CTIF: variants seen among roughly 807,000 people sequenced by gnomAD.
The protein encoded by CTIF is CBP80/20-dependent translation initiation factor.
Under a neutral mutation model 66.0 loss-of-function variants are expected in CTIF, and 21 were observed. That is an observed-to-expected ratio of 0.32 (90% CI 0.23 to 0.46). The LOEUF (loss-of-function observed/expected upper bound fraction) is 0.46, where lower values mean the gene tolerates loss of function less well. Among genes scored for constraint, CTIF ranks in the 20% least tolerant of loss-of-function variants. CTIF has a pLI of 1.00. For missense variants in CTIF, 739 were observed against 812.7 expected (o/e 0.91, Z 1.10); for synonymous variants, 345 against 326.4 (o/e 1.06, Z -0.62).
intron 7 of CTIF, among the ~76,000 whole-genome samples, chr18:48,743,594 G>A (rs990049992): frequency 2.6e-5 from 4 of 152,102 alleles, no homozygotes; most frequent in Non-Finnish European, 4.4e-5. Context: ...TTTACAACTC[G>A]TTTACAATAA....
intron 10 of CTIF, 110 bp from the exon 11 acceptor site, chr18:48,857,478 C>A (rs1454044306): frequency 1.2e-6 from 1 of 866,934 alleles, no homozygotes; most frequent in Non-Finnish European, 1.8e-6. Context: ...ATGTTTGTTA[C>A]AGGCCGCATC....
At chr18:48,813,492 CT>C (rs2068302769) in intron 9 of CTIF, among the ~76,000 whole-genome samples, 1 of 152,360 alleles carries the variant, frequency 6.6e-6, no homozygotes, top group African/African-American at 2.4e-5. Context: ...GAGATCACCC[CT>C]GTCTGGTCTT....
At chr18:48,677,404 C>G (rs931660626) in intron 6 of CTIF, among the ~76,000 whole-genome samples, 10 of 152,166 alleles carry the variant, frequency 6.6e-5, no homozygotes, top group Non-Finnish European at 1.2e-4. Context: ...GGTACCTGTC[C>G]CATAGACGGG....
At chr18:48,545,484 G>A (rs1297372941) in intron 1 of CTIF, among the ~76,000 whole-genome samples, 1 of 152,150 alleles carries the variant, frequency 6.6e-6, no homozygotes. Flanking sequence ...AAATTAGTTG[G>A]GAGTAAAGTC....
At chr18:48,638,237 G>C (rs1016259855) in intron 3 of CTIF, among the ~76,000 whole-genome samples, 5 of 152,120 alleles carry the variant, frequency 3.3e-5, no homozygotes, top group Non-Finnish European at 7.4e-5. Context: ...TTGGATTTGG[G>C]GACTCAAGCA....
At chr18:48,612,105 G>A (rs564935434) in intron 1 of CTIF, among the ~76,000 whole-genome samples, 226 of 152,334 alleles carry the variant, frequency 1.5e-3, no homozygotes, top group Non-Finnish European at 2.5e-3. Context: ...CCTGCACATG[G>A]AGGCCTCTGC....
chr18:48,701,080 T>C lies in CTIF; in HGVS notation c.508-10539T>C, dbSNP rs555312976. 7.2e-5 allele frequency among the ~76,000 whole-genome samples: 11 copies of C among 152,302 alleles called. No individual in the cohort carries two copies. The East Asian group carries it at 2.1e-3, about 29-fold the overall frequency. ...TTCTCTTGAGCTTGCTCTCTAGAGT[T>C]CTTGAGGCTCTGGGTCTTATCTGTG... On this transcript the variant is annotated intron_variant, in intron 6 of 11. Transcript: ENST00000256413.
intron 4 of CTIF, 28 bp downstream of exon 4, chr18:48,663,853 G>A (rs752264597): frequency 1.2e-6 from 2 of 1,606,436 alleles, no homozygotes; most frequent in Admixed American, 1.7e-5. Context: ...CCTTCCCTGT[G>A]GTGTGAGGTC....
At chr18:48,664,073 C>G (rs1268446314) in intron 4 of CTIF, among the ~76,000 whole-genome samples, 2 of 152,186 alleles carry the variant, frequency 1.3e-5, no homozygotes, top group Non-Finnish European at 2.9e-5. Context: ...TCCCACTAGC[C>G]TGCCTCATCT....
chr18:48,683,934 G>T (rs1034403432), intron 6 of CTIF, among the ~76,000 whole-genome samples: 1 of 152,204 alleles, frequency 6.6e-6, no homozygotes, highest in Non-Finnish European at 1.5e-5. Flanking sequence ...GAGGCCCAGG[G>T]CTGCTGGCCA....
chr18:48,644,954 T>G (rs1469423810), intron 3 of CTIF, among the ~76,000 whole-genome samples: 4 of 152,222 alleles, frequency 2.6e-5, no homozygotes, highest in Non-Finnish European at 4.4e-5. Context: ...ATACATTATC[T>G]CACTGCAGCC....
At chr18:48,635,327 CTT>C (rs561455888) in intron 2 of CTIF, among the ~76,000 whole-genome samples, 26 of 113,366 alleles carry the variant, frequency 2.3e-4, no homozygotes, top group Non-Finnish European at 3.0e-4. Context: ...CTTTTTCTTT[CTT>C]TTTTTTTTTT....
At chr18:48,830,624 T>A (rs1190640510) in intron 10 of CTIF, among the ~76,000 whole-genome samples, 3 of 152,084 alleles carry the variant, frequency 2.0e-5, no homozygotes, top group Admixed American at 6.5e-5. Context: ...TGGGAAAAAA[T>A]GTGGAAGAAC....
At chr18:48,681,992 G>T (rs2091752778) in intron 6 of CTIF, among the ~76,000 whole-genome samples, 1 of 151,908 alleles carries the variant, frequency 6.6e-6, no homozygotes, top group African/African-American at 2.4e-5. Context: ...CACCATGTTG[G>T]CCAGGCTGGT....
intron 1 of CTIF, among the ~76,000 whole-genome samples, chr18:48,604,673 A>G (rs1320275186): frequency 6.6e-6 from 1 of 152,204 alleles, no homozygotes; most frequent in Non-Finnish European, 1.5e-5. Context: ...TAATTTACAC[A>G]TTTAAAATAT....
chr18:48,542,847 A>G (rs1043874286), intron 1 of CTIF, among the ~76,000 whole-genome samples: 2 of 152,176 alleles, frequency 1.3e-5, no homozygotes, highest in Non-Finnish European at 2.9e-5. Flanking sequence ...GCCCAGAGGT[A>G]TGTTCTTCTG....
intron 1 of CTIF, among the ~76,000 whole-genome samples, chr18:48,604,058 T>A (rs1304475015): frequency 6.6e-6 from 1 of 150,428 alleles, no homozygotes; most frequent in Non-Finnish European, 1.5e-5. Context: ...ATGTTGCCCA[T>A]GAGCTGAACT....
At chr18:48,826,460 CT>C (rs1219590768) in intron 10 of CTIF, 1 of 152,276 alleles carries the variant, frequency 6.6e-6, no homozygotes, top group Non-Finnish European at 1.5e-5. Flanking sequence ...TCTTGCCTGG[CT>C]CTTGCCCACC....
At chr18:48,711,548 T>G in intron 6 of CTIF, 71 bp from the exon 7 acceptor site, 1 of 1,187,960 alleles carries the variant, frequency 8.4e-7, no homozygotes, top group Non-Finnish European at 1.3e-6. Flanking sequence ...GTGTACTTAG[T>G]GCAGTCCCAG....
Sources: gnomAD v4.1 joint callset for allele counts (sites outside exome capture counted in the v4.1 genomes callset) on GRCh38, gnomAD v4.1.1 for gene constraint, MANE v1.5 for transcripts, NCBI Gene and HGNC (gene_info 2026-07-23, HGNC 2026-07-21) for gene names.